Variants in AR observed in about 807,000 individuals in gnomAD.
AR encodes the protein androgen receptor.
AR carries 8 observed loss-of-function variants against 53.9 expected under a neutral mutation model. The observed-to-expected ratio is 0.15, with a 90% CI of 0.09 to 0.27. The LOEUF (loss-of-function observed/expected upper bound fraction) is 0.27, where lower values mean the gene tolerates loss of function less well. Ranked by LOEUF, AR falls within the 10% of genes least tolerant of loss-of-function variation. The pLI is 1.00. For missense variants in AR, 639 were observed against 742.5 expected (o/e 0.86, Z 1.62); for synonymous variants, 359 against 316.4 (o/e 1.13, Z -1.43).
chrX:67,718,008 C>G (rs1413412194), intron 5 of AR, among the ~76,000 whole-genome samples: 1 of 112,813 alleles, frequency 8.9e-6, no homozygotes, highest in East Asian at 2.8e-4. Context: ...CTTCTAGTCA[C>G]CATTTGCTGA....
At chrX:67,708,259 C>T (rs1457241431) in intron 3 of AR, among the ~76,000 whole-genome samples, 1 of 111,775 alleles carries the variant, frequency 8.9e-6, no homozygotes, top group African/African-American at 3.3e-5. Flanking sequence ...TTCCATTCTC[C>T]CTGTCACTTT....
At chrX:67,708,881 T>C (rs1202900682) in intron 3 of AR, among the ~76,000 whole-genome samples, 1 of 112,272 alleles carries the variant, frequency 8.9e-6, no homozygotes, top group Non-Finnish European at 1.9e-5. Context: ...CAGCTGCAGG[T>C]CTGTTGGAGT....
At chrX:67,604,198 ATGTGTGTGTGTGTGTGTGTGTG>A (rs72092334) in intron 1 of AR, among the ~76,000 whole-genome samples, 8 of 78,151 alleles carry the variant, frequency 1.0e-4, no homozygotes, top group African/African-American at 3.9e-4. Context: ...GGGGAGAAAT[ATGTGTGTGTGTGTGTGTGTGTG>A]TGTGTGTGTG....
rs1320491987 is a variant in AR at position 67,569,877 on chromosome X, C to G, written c.1616+23115C>G. Among the ~76,000 whole-genome samples the G allele has an allele frequency of 2.7e-5, 3 of 111,102 alleles. No homozygotes were observed. In the East Asian group the frequency reaches 8.5e-4, roughly 32 times the overall value. ...TCTAGGTATGTCTTTTTCTATGCCC[C>G]TATTGTCCCCATCTCCATGTGTCTC... On this transcript the variant is annotated intron_variant, in intron 1 of 7. Coordinates refer to ENST00000374690, the MANE Select transcript of AR (RefSeq NM_000044.6).
rs1248073818 is a variant in AR, at chrX:67,567,073, C to T, written c.1616+20311C>T. On this transcript the variant is annotated intron_variant, in intron 1 of 7. Transcript: ENST00000374690. ...TCCCTGCTGTTTTCACTATTCCACA[C>T]CACTTCAGCTTTATTTTTCATAGAG... 3.6e-5 allele frequency among the ~76,000 whole-genome samples: 4 copies of T among 110,868 alleles called. No individual in the cohort carries two copies. The Admixed American group carries it at 3.8e-4, about 11-fold the overall frequency.
At chrX:67,554,165 T>G (rs947726545) in intron 1 of AR, among the ~76,000 whole-genome samples, 2 of 112,155 alleles carry the variant, frequency 1.8e-5, no homozygotes, top group Non-Finnish European at 3.8e-5. Flanking sequence ...TATAATCCCT[T>G]TTTTAGAATT....
chrX:67,724,103 T>C lies in AR; in HGVS notation c.*262T>C. 1 of 391,782 alleles carries C rather than the reference T, an allele frequency of 2.6e-6. No homozygotes were observed. Among genetic ancestry groups the C allele is most frequent in the South Asian group, 3.6e-5 (1 of 27,479 alleles). The allele number at this position is 391,782 out of a possible 1,213,427, so 32.3% of individuals were successfully genotyped here. On this transcript the variant is annotated 3_prime_UTR_variant, in exon 8 of 8. Coordinates refer to ENST00000374690, the MANE Select transcript of AR (RefSeq NM_000044.6). Reference sequence around the variant, plus strand: ...TCCCATTGTGGCTCCTATCTGTGTTTTGAATGGTGTTGTATGCCTTTAAAT... The same window carrying C: ...TCCCATTGTGGCTCCTATCTGTGTTCTGAATGGTGTTGTATGCCTTTAAAT...
intron 1 of AR, among the ~76,000 whole-genome samples, chrX:67,634,249 T>C (rs1925317002): frequency 9.0e-6 from 1 of 111,478 alleles, no homozygotes; most frequent in South Asian, 3.8e-4. Context: ...ATATGCAAAA[T>C]AGAGGTAATG....
In AR at chrX:67,544,828, A is replaced by C; in HGVS notation, c.-319A>C. 1 of 236,442 alleles carries C rather than the reference A, an allele frequency of 4.2e-6. No homozygotes were observed. The highest frequency in any genetic ancestry group is 7.6e-6 in the Non-Finnish European group (1 of 131,302). The allele number at this position is 236,442 out of a possible 1,213,427, so 19.5% of individuals were successfully genotyped here. A position where few individuals can be genotyped will look rare whatever the true frequency, so the allele number is the denominator to read the frequency against. ...TTGCACCTACTTCAGTGGACACTGAATTTGGAAGGTGGAGGATTTTGTTTT... is the reference window on the plus strand; with the variant it reads ...TTGCACCTACTTCAGTGGACACTGACTTTGGAAGGTGGAGGATTTTGTTTT... On this transcript the variant is annotated 5_prime_UTR_variant, in exon 1 of 8. Transcript: ENST00000374690.
chrX:67,554,915 C>CAA (rs749297941), intron 1 of AR, among the ~76,000 whole-genome samples: 8 of 57,065 alleles, frequency 1.4e-4, no homozygotes, highest in Admixed American at 2.2e-4. Flanking sequence ...CAGGCTCCGT[C>CAA]AAAAAAAAAA....
chrX:67,674,872 A>G (rs936955172), intron 2 of AR, among the ~76,000 whole-genome samples: 1 of 111,351 alleles, frequency 9.0e-6, no homozygotes, highest in Non-Finnish European at 1.9e-5. Context: ...GACTCTCCCT[A>G]TAGCCACCAC....
At chrX:67,580,182 A>G (rs1922230161) in intron 1 of AR, among the ~76,000 whole-genome samples, 2 of 109,809 alleles carry the variant, frequency 1.8e-5, no homozygotes, top group African/African-American at 6.6e-5. Flanking sequence ...AAAAAAAAGC[A>G]TCTCCAGGGG....
At chrX:67,627,679 G>C (rs1411458780) in intron 1 of AR, among the ~76,000 whole-genome samples, 4 of 111,793 alleles carry the variant, frequency 3.6e-5, no homozygotes, top group Non-Finnish European at 5.6e-5. Context: ...TTTTAGACAT[G>C]CTTTTGGTGT....
intron 5 of AR, among the ~76,000 whole-genome samples, chrX:67,719,113 C>T (rs2076125390): frequency 9.0e-6 from 1 of 111,466 alleles, no homozygotes; most frequent in Non-Finnish European, 1.9e-5. Context: ...CACTGCAATG[C>T]GAGGGAGAGT....
At chrX:67,554,442 A>G (rs1156875552) in intron 1 of AR, among the ~76,000 whole-genome samples, 1 of 111,866 alleles carries the variant, frequency 8.9e-6, no homozygotes, top group East Asian at 2.8e-4. Context: ...GATGTACTCC[A>G]TAGCCATGAA....
chrX:67,579,875 T>G (rs1476404221), intron 1 of AR, among the ~76,000 whole-genome samples: 1 of 111,654 alleles, frequency 9.0e-6, no homozygotes, highest in Non-Finnish European at 1.9e-5. Context: ...TCTCATCTGT[T>G]CAGCCTTTTT....
At position 67,725,522 on chromosome X, in the gene AR, A is replaced by C. The variant is rs778982192; in HGVS notation, c.*1681A>C. 4.8e-4 allele frequency: 83 copies of C among 174,285 alleles called. No homozygotes were observed. Among genetic ancestry groups the C allele is most frequent in the Non-Finnish European group, 7.8e-4 (71 of 91,545 alleles). 14.4% of individuals were successfully genotyped at this position (174,285 alleles called of 1,213,427 possible). On this transcript the variant is annotated 3_prime_UTR_variant, in exon 8 of 8. Coordinates refer to ENST00000374690, the MANE Select transcript of AR (RefSeq NM_000044.6). ...AAACCCTGCAAATGCTCTTCTTGTC[A>C]CCCAGCATATCCACCTGCAGAAGTC...
rs186556536 is a variant in AR at position 67,709,276 on chromosome X, G to A, written c.1886-2126G>A. Among the ~76,000 whole-genome samples, 1,003 of 112,051 alleles carry A rather than the reference G, an allele frequency of 9.0e-3. 5 individuals carry two copies. Among genetic ancestry groups the A allele is most frequent in the Non-Finnish European group, 0.011 (600 of 53,140 alleles). On this transcript the variant is annotated intron_variant, in intron 3 of 7. Coordinates refer to ENST00000374690, the MANE Select transcript of AR (RefSeq NM_000044.6). ...AGGCATGCAGGCCTCCTTGAGTTGC[G>A]GTAGGCTCCACCCAGTTCGAGCTTC...
At chrX:67,704,721 G>T (rs1035474258) in intron 3 of AR, among the ~76,000 whole-genome samples, 1 of 111,523 alleles carries the variant, frequency 9.0e-6, no homozygotes, top group African/African-American at 3.3e-5. Context: ...AGTCCTTGCC[G>T]GTGCCTATGT....
Sources: gnomAD v4.1 joint callset for allele counts (sites outside exome capture counted in the v4.1 genomes callset) on GRCh38, gnomAD v4.1.1 for gene constraint, MANE v1.5 for transcripts, NCBI Gene and HGNC (gene_info 2026-07-23, HGNC 2026-07-21) for gene names.